APBB1IP: variants seen among roughly 807,000 people sequenced by gnomAD.
APBB1IP encodes amyloid beta A4 precursor protein-binding family B member 1-interacting protein.
APBB1IP carries 27 observed loss-of-function variants against 64.9 expected under a neutral mutation model. The ratio of observed to expected loss-of-function variants is 0.42; its 90% CI spans 0.31 to 0.57. APBB1IP has a LOEUF of 0.57. Ranked by LOEUF, APBB1IP falls within the 20% of genes least tolerant of loss-of-function variation. The pLI, the probability that APBB1IP is intolerant of heterozygous loss-of-function variation, is 0.20. For missense variants in APBB1IP, 812 were observed against 845.5 expected (o/e 0.96, Z 0.49); for synonymous variants, 392 against 331.0 (o/e 1.18, Z -2.00).
chr10:26,494,678 A>G (rs1588585790), intron 3 of APBB1IP, among the ~76,000 whole-genome samples: 1 of 152,122 alleles, frequency 6.6e-6, no homozygotes, highest in East Asian at 1.9e-4. Context: ...TACAAAAATT[A>G]GCCGAGCGTG....
rs1188753271 is a variant in APBB1IP, at chr10:26,567,502, G to T, written c.*14G>T. On this transcript the variant is annotated 3_prime_UTR_variant, in exon 15 of 15. Transcript: ENST00000376236. Reference sequence around the variant, plus strand: ...AACGTGTCCTAGGGACGGGCATGATGAGTGTTCCAGAGGGAGAAGCATCGC... The same window carrying T: ...AACGTGTCCTAGGGACGGGCATGATTAGTGTTCCAGAGGGAGAAGCATCGC... 6.5e-7 allele frequency: 1 copy of T among 1,547,326 alleles called. No individual in the cohort carries two copies. Among genetic ancestry groups the T allele is most frequent in the South Asian group, 1.1e-5 (1 of 90,336 alleles).
intron 3 of APBB1IP, among the ~76,000 whole-genome samples, chr10:26,494,297 C>G (rs1334093199): frequency 3.9e-5 from 6 of 152,178 alleles, no homozygotes; most frequent in Non-Finnish European, 7.4e-5. Context: ...GCCAGGGGCC[C>G]TAAGTGGCAG....
At chr10:26,504,154 C>T (rs995358979) in intron 6 of APBB1IP, among the ~76,000 whole-genome samples, 1 of 152,154 alleles carries the variant, frequency 6.6e-6, no homozygotes, top group Non-Finnish European at 1.5e-5. Context: ...TTTCCTATGC[C>T]CTGGGGCAGC....
intron 2 of APBB1IP, among the ~76,000 whole-genome samples, chr10:26,442,475 A>C (rs899973741): frequency 2.7e-4 from 41 of 152,260 alleles, no homozygotes; most frequent in African/African-American, 9.4e-4. Context: ...CTCATCAGTG[A>C]GATGGTTGTG....
intron 2 of APBB1IP, among the ~76,000 whole-genome samples, chr10:26,466,915 G>A (rs1300946834): frequency 6.6e-6 from 1 of 151,586 alleles, no homozygotes; most frequent in African/African-American, 2.4e-5. Flanking sequence ...CAGCCTGGAT[G>A]ACAGAGCAAG....
At chr10:26,471,885 A>T (rs1432879124) in intron 2 of APBB1IP, among the ~76,000 whole-genome samples, 1 of 152,100 alleles carries the variant, frequency 6.6e-6, no homozygotes, top group Non-Finnish European at 1.5e-5. Context: ...GGGTTTCACC[A>T]TGTTGGCCAA....
intron 11 of APBB1IP, among the ~76,000 whole-genome samples, chr10:26,550,423 G>A (rs1836816620): frequency 6.6e-6 from 1 of 152,044 alleles, no homozygotes; most frequent in African/African-American, 2.4e-5. Context: ...CATGGGTCAT[G>A]TAATTTTTTC....
chr10:26,482,872 G>A (rs943348311), intron 2 of APBB1IP, among the ~76,000 whole-genome samples: 1 of 150,334 alleles, frequency 6.7e-6, no homozygotes, highest in Non-Finnish European at 1.5e-5. Flanking sequence ...GATCACCTGA[G>A]GTCAGGTGTT....
rs547534014 is a variant in APBB1IP at position 26,490,952 on chromosome 10, G to A, written c.1-1375G>A. On this transcript the variant is annotated intron_variant, in intron 2 of 14. Transcript: ENST00000376236. Reference sequence around the variant, plus strand: ...GACTTCTCAGTATGAGCTATAATTGGCATTAATATTACAGTGTTTTAGAGC... The same window carrying A: ...GACTTCTCAGTATGAGCTATAATTGACATTAATATTACAGTGTTTTAGAGC... Among the ~76,000 whole-genome samples the A allele has an allele frequency of 1.7e-4, 26 of 152,222 alleles. No homozygotes were observed. In the South Asian group the frequency reaches 5.4e-3, roughly 32 times the overall value.
intron 14 of APBB1IP, among the ~76,000 whole-genome samples, chr10:26,563,608 T>G (rs1837002380): frequency 6.6e-6 from 1 of 152,242 alleles, no homozygotes; most frequent in Non-Finnish European, 1.5e-5. Context: ...CTCAGCTGAC[T>G]GTATATATTC....
At chr10:26,495,618 A>G (rs561361273) in intron 3 of APBB1IP, among the ~76,000 whole-genome samples, 1 of 151,144 alleles carries the variant, frequency 6.6e-6, no homozygotes, top group East Asian at 1.9e-4. Context: ...TTGTTAAAAA[A>G]AAAAAAAAGA....
At chr10:26,470,300 G>T (rs1442633814) in intron 2 of APBB1IP, among the ~76,000 whole-genome samples, 1 of 152,336 alleles carries the variant, frequency 6.6e-6, no homozygotes, top group East Asian at 1.9e-4. Context: ...ACTTTGGGAG[G>T]CCAAGGCAGG....
chr10:26,560,898 C>A, intron 13 of APBB1IP, 54 bp downstream of exon 13: 1 of 1,349,692 alleles, frequency 7.4e-7, no homozygotes, highest in Admixed American at 2.1e-5. Context: ...TGCTCCAGTT[C>A]AAAATGTATC....
In APBB1IP at chr10:26,496,334, G is replaced by A; in HGVS notation, c.103G>A (p.Asp35Asn). Reference sequence around the variant, plus strand: ...AGGAGTTGACACTCTCCCTCCTCCTGACCCTAATCCACCCAGAGCTGAATT... The same window carrying A: ...AGGAGTTGACACTCTCCCTCCTCCTAACCCTAATCCACCCAGAGCTGAATT... ...SLGVDTLPPPDPNPPRAEFNY... is the reference protein window; with the variant it reads ...SLGVDTLPPPNPNPPRAEFNY... The change falls in exon 4 of 15, where the codon GAC (aspartate) becomes AAC (asparagine). Residue 35 changes from aspartate to asparagine, a missense_variant. By Grantham distance (23) the Asp-to-Asn change is conservative. Coordinates refer to ENST00000376236, the MANE Select transcript of APBB1IP (RefSeq NM_019043.4). The A allele has an allele frequency of 6.2e-7, 1 of 1,612,970 alleles. No individual in the cohort carries two copies. Among genetic ancestry groups the A allele is most frequent in the Non-Finnish European group, 8.5e-7 (1 of 1,179,346 alleles).
At chr10:26,474,091 G>T (rs913199162) in intron 2 of APBB1IP, among the ~76,000 whole-genome samples, 2 of 145,820 alleles carry the variant, frequency 1.4e-5, no homozygotes, top group Admixed American at 1.4e-4. Flanking sequence ...TTTTTTTAAT[G>T]TTCTCCAGCA....
intron 8 of APBB1IP, among the ~76,000 whole-genome samples, chr10:26,516,557 A>AAAG (rs1177085805): frequency 6.7e-6 from 1 of 149,704 alleles, no homozygotes; most frequent in Non-Finnish European, 1.5e-5. Flanking sequence ...AAAAAAAAAA[A>AAAG]AAAAGTAAAG....
intron 2 of APBB1IP, among the ~76,000 whole-genome samples, chr10:26,477,930 G>A (rs775694774): frequency 5.3e-5 from 8 of 152,152 alleles, no homozygotes; most frequent in Non-Finnish European, 8.8e-5. Context: ...ATGCTGTGTC[G>A]CCCAGGCTGG....
rs745716291 is a variant in APBB1IP, at chr10:26,440,142, GT to G, written c.-1+1295del. 1.9e-4 allele frequency among the ~76,000 whole-genome samples: 29 copies of G among 152,206 alleles called. No homozygotes were observed. In the South Asian group the frequency reaches 2.1e-3, roughly 11 times the overall value. On this transcript the variant is annotated intron_variant, in intron 2 of 14. Coordinates refer to ENST00000376236, the MANE Select transcript of APBB1IP (RefSeq NM_019043.4). The stretch of plus-strand genomic sequence containing the variant: ...ACTATTAATAATTACTAATATTTGG[GT>G]TTTTTCTCAGCACTTGGGAGACCTG...
At chr10:26,512,765 T>G (rs922668695) in intron 7 of APBB1IP, among the ~76,000 whole-genome samples, 3 of 152,012 alleles carry the variant, frequency 2.0e-5, no homozygotes, top group Non-Finnish European at 2.9e-5. Context: ...CATCATCATA[T>G]TTCTCATTTT....
Sources: gnomAD v4.1 joint callset for allele counts (sites outside exome capture counted in the v4.1 genomes callset) on GRCh38, gnomAD v4.1.1 for gene constraint, MANE v1.5 for transcripts, NCBI Gene and HGNC (gene_info 2026-07-23, HGNC 2026-07-21) for gene names.